NME4: variants seen among roughly 807,000 people sequenced by gnomAD.
NME4 encodes the protein nucleoside diphosphate kinase D, mitochondrial.
NME4 carries 21 observed loss-of-function variants against 16.4 expected under a neutral mutation model. That is an observed-to-expected ratio of 1.28 (90% CI 0.91 to 1.84). NME4 has a LOEUF of 1.84. Among genes scored for constraint, NME4 ranks in the 40% most tolerant of loss-of-function variants. The pLI is 0.00. For missense variants in NME4, 316 were observed against 261.3 expected (o/e 1.21, Z -1.44); for synonymous variants, 132 against 107.5 (o/e 1.23, Z -1.41).
rs779822051 is a variant in NME4, at chr16:399,687, G to T, written c.388G>T (p.Ala130Ser). ...SRAMIGHTDS[A>S]EAAPGTIRGD... ...GGCCATGATTGGACACACCGACTCGGCTGAGGCTGCCCCAGGAACCATAAG... is the reference window on the plus strand; with the variant it reads ...GGCCATGATTGGACACACCGACTCGTCTGAGGCTGCCCCAGGAACCATAAG... Residue 130 changes from alanine (A) to serine (S), a missense_variant, in exon 4 of 5, where the codon GCT (alanine) becomes TCT (serine). Physicochemically the swap from Ala to Ser is moderately conservative, Grantham distance 99. Transcript: ENST00000219479. The T allele has an allele frequency of 3.1e-6, 5 of 1,613,096 alleles. No individual in the cohort carries two copies. The South Asian group carries it at 5.5e-5, about 18-fold the overall frequency.
intron 1 of NME4, 59 bp downstream of exon 1, chr16:397,372 T>C: frequency 1.5e-6 from 1 of 665,842 alleles, no homozygotes; most frequent in Non-Finnish European, 1.9e-6. Context: ...CGCGCGCCGC[T>C]CGGCCTTTGT....
At chr16:398,860 C>T (rs1280993379) in intron 1 of NME4, 130 bp from the exon 2 acceptor site, 2 of 1,292,316 alleles carry the variant, frequency 1.5e-6, no homozygotes, top group Non-Finnish European at 2.1e-6. Flanking sequence ...ATCCCTGTCC[C>T]TTCCAGAGTG....
At chr16:397,730 G>A in intron 1 of NME4, 1 of 1,177,854 alleles carries the variant, frequency 8.5e-7, no homozygotes, top group Non-Finnish European at 1.1e-6. Context: ...GGGAGTCGGG[G>A]GGTGGGGGTG....
At chr16:399,870 A>G (rs1331161707) in intron 4 of NME4, 131 bp downstream of exon 4, 2 of 736,774 alleles carry the variant, frequency 2.7e-6, no homozygotes, top group African/African-American at 1.7e-5. Context: ...GACAGCTCAC[A>G]CTGGTGAGAG....
chr16:399,725 C>T lies in NME4; in HGVS notation c.426C>T (p.Ser142=), dbSNP rs150877882. ...AAPGTIRGDF[S]VHISRNVIHA... is the part of the protein sequence containing the mutation. Reference sequence around the variant, plus strand: ...CAGGAACCATAAGGGGTGACTTCAGCGTCCACATCAGCAGGTACGGGGGTC... The same window carrying T: ...CAGGAACCATAAGGGGTGACTTCAGTGTCCACATCAGCAGGTACGGGGGTC... Residue 142 remains serine (S), a synonymous_variant, in exon 4 of 5, where the codon AGC becomes AGT. Coordinates refer to ENST00000219479, the MANE Select transcript of NME4 (RefSeq NM_005009.3). 1.7e-5 allele frequency: 28 copies of T among 1,612,732 alleles called. No individual in the cohort carries two copies. Among genetic ancestry groups the T allele is most frequent in the East Asian group, 4.5e-5 (2 of 44,882 alleles).
At chr16:397,934 C>T (rs1300385600) in intron 1 of NME4, 35 of 1,549,954 alleles carry the variant, frequency 2.3e-5, no homozygotes, top group Non-Finnish European at 2.7e-5. Context: ...CCGCACCAGC[C>T]GCAGCAGAGC....
Position 400,260 on chromosome 16 carries a change from G to A in NME4, c.482G>A (p.Arg161Gln), listed in dbSNP as rs755125753. Residue 161 changes from arginine to glutamine, a missense_variant, in exon 5 of 5, where the codon CGG (arginine) becomes CAG (glutamine). Coordinates refer to ENST00000219479, the MANE Select transcript of NME4 (RefSeq NM_005009.3). ...HASDSVEGAQ[R>Q]EIQLWFQSSE... The stretch of plus-strand genomic sequence containing the variant: ...AGCGACTCCGTGGAGGGGGCCCAGC[G>A]GGAGATCCAGCTGTGGTTCCAGAGC... The A allele has an allele frequency of 3.7e-6, 6 of 1,604,244 alleles. No homozygotes were observed. Among genetic ancestry groups the A allele is most frequent in the Admixed American group, 3.4e-5 (2 of 59,578 alleles).
chr16:400,176 GCA>G (rs2054632003), intron 4 of NME4, 41 bp from the exon 5 acceptor site: 1 of 1,611,964 alleles, frequency 6.2e-7, no homozygotes, highest in South Asian at 1.1e-5. Context: ...TCCTCAGGGT[GCA>G]CATGAAGCCT....
At chr16:399,509 C>G (rs546692797) in intron 3 of NME4, 29 bp downstream of exon 3, 1 of 1,605,902 alleles carries the variant, frequency 6.2e-7, no homozygotes, top group East Asian at 2.2e-5. Flanking sequence ...GGTGGAAGGG[C>G]CTGTGGGTAA....
rs373003530 is a variant in NME4, at chr16:400,282, G to C, written c.504G>C (p.Gln168His). The change falls in exon 5 of 5, where the codon CAG becomes CAC. Residue 168 changes from glutamine (Q) to histidine (H), a missense_variant. Gln to His is a conservative substitution (Grantham distance 24). Coordinates refer to ENST00000219479, the MANE Select transcript of NME4 (RefSeq NM_005009.3). ...GAQREIQLWFQSSELVSWADG... is the reference protein window; with the variant it reads ...GAQREIQLWFHSSELVSWADG... Reference sequence around the variant, plus strand: ...AGCGGGAGATCCAGCTGTGGTTCCAGAGCAGTGAGCTGGTGAGCTGGGCAG... The same window carrying C: ...AGCGGGAGATCCAGCTGTGGTTCCACAGCAGTGAGCTGGTGAGCTGGGCAG... The C allele has an allele frequency of 1.9e-5, 30 of 1,606,638 alleles. No homozygotes were observed. Among genetic ancestry groups the C allele is most frequent in the Non-Finnish European group, 2.6e-5 (30 of 1,176,376 alleles).
At chr16:398,201 C>A in intron 1 of NME4, 1 of 1,475,904 alleles carries the variant, frequency 6.8e-7, no homozygotes. Context: ...TTCTGTTTCC[C>A]TGGCAGCGTC....
In NME4 at chr16:399,196, C is replaced by G. The variant is rs1426248211; in HGVS notation, c.225+73C>G. ...GGGATCCTTCTCGGCCTTTCACATC[C>G]CAGCCAGCGCCGGGGCAGGGCCTGG... is the stretch of plus-strand genomic sequence containing the variant. On this transcript the variant is annotated intron_variant, in intron 2 of 4. Transcript: ENST00000219479. 24 of 1,580,570 alleles carry G rather than the reference C, an allele frequency of 1.5e-5. No homozygotes were observed. In the East Asian group the frequency reaches 5.4e-4, roughly 35 times the overall value.
intron 2 of NME4, 117 bp from the exon 3 acceptor site, chr16:399,261 TG>T (rs1567335014): frequency 5.0e-6 from 7 of 1,405,252 alleles, no homozygotes; most frequent in Non-Finnish European, 7.1e-6. Flanking sequence ...TATTCTGCGG[TG>T]GGGGTGCTGC....
At chr16:400,067 C>T (rs765896384) in intron 4 of NME4, 152 bp from the exon 5 acceptor site, 26 of 1,198,470 alleles carry the variant, frequency 2.2e-5, no homozygotes, top group Non-Finnish European at 3.0e-5. Flanking sequence ...CAGGCTGGAA[C>T]CCGGTTTCCC....
Position 397,238 on chromosome 16 carries a change from T to C in NME4, c.16T>C (p.Trp6Arg). 1 of 1,034,830 alleles carries C rather than the reference T, an allele frequency of 9.7e-7. No individual in the cohort carries two copies. Among genetic ancestry groups the C allele is most frequent in the Non-Finnish European group, 1.2e-6 (1 of 864,438 alleles). The allele number at this position is 1,034,830 out of a possible 1,614,324, so 64.1% of individuals were successfully genotyped here. A position where few individuals can be genotyped will look rare whatever the true frequency, so the allele number is the denominator to read the frequency against. The change falls in exon 1 of 5, where the codon TGG (tryptophan) becomes CGG (arginine). Residue 6 changes from tryptophan to arginine, a missense_variant. Trp to Arg is a moderately radical substitution (Grantham distance 101). Transcript: ENST00000219479. ...GCCGGGCGTCATGGGCGGCCTCTTC[T>C]GGCGCTCCGCGCTGCGGGGGCTGCG... Reference protein sequence around the residue: MGGLFWRSALRGLRCG... With the variant: MGGLFRRSALRGLRCG...
At chr16:398,950 G>C in intron 1 of NME4, 40 bp from the exon 2 acceptor site, 3 of 1,606,032 alleles carry the variant, frequency 1.9e-6, no homozygotes, top group Non-Finnish European at 2.5e-6. Context: ...GGACGTGAAA[G>C]GGTGAGGTGG....
In NME4 at chr16:400,415, C is replaced by A. The variant is rs958958656; in HGVS notation, c.*73C>A. On this transcript the variant is annotated 3_prime_UTR_variant, in exon 5 of 5. Coordinates refer to ENST00000219479, the MANE Select transcript of NME4 (RefSeq NM_005009.3). Reference sequence around the variant, plus strand: ...CTCCGTCAGCAAGAACCCAAGCCCACATCCAAACCTGCCTGTCCCAAACCA... The same window carrying A: ...CTCCGTCAGCAAGAACCCAAGCCCAAATCCAAACCTGCCTGTCCCAAACCA... 2.2e-5 allele frequency: 34 copies of A among 1,542,542 alleles called. No individual in the cohort carries two copies. The highest frequency in any genetic ancestry group is 2.7e-5 in the Non-Finnish European group (31 of 1,152,630).
In NME4 at chr16:397,926, G is replaced by T. The variant is rs778355213; in HGVS notation, c.91+613G>T. 1.0e-5 allele frequency: 16 copies of T among 1,549,556 alleles called. No individual in the cohort carries two copies. In the South Asian group the frequency reaches 1.8e-4, roughly 17 times the overall value. On this transcript the variant is annotated intron_variant, in intron 1 of 4. Transcript: ENST00000219479. ...AAGTGAGCCGCCGCCTGCAATGCCC[G>T]CACCAGCCGCAGCAGAGCCCCAGGC...
At position 399,713 on chromosome 16, in the gene NME4, G is replaced by A. The variant is rs774350586; in HGVS notation, c.414G>A (p.Arg138=). The A allele has an allele frequency of 2.5e-6, 4 of 1,612,986 alleles. No homozygotes were observed. The highest frequency in any genetic ancestry group is 2.2e-5 in the East Asian group (1 of 44,888). ...DSAEAAPGTI[R]GDFSVHISRN... is the part of the protein sequence containing the mutation. ...CTGAGGCTGCCCCAGGAACCATAAG[G>A]GGTGACTTCAGCGTCCACATCAGCA... The change falls in exon 4 of 5, where the codon AGG becomes AGA. Residue 138 remains arginine, a synonymous_variant. Transcript: ENST00000219479.
Sources: gnomAD v4.1 joint callset for allele counts on GRCh38, gnomAD v4.1.1 for gene constraint, MANE v1.5 for transcripts, NCBI Gene and HGNC (gene_info 2026-07-23, HGNC 2026-07-21) for gene names.